The following SHTN1 variants were observed in gnomAD, a reference collection of about 807,000 sequenced individuals.
The protein encoded by SHTN1 is shootin-1.
A neutral mutation model predicts 83.1 loss-of-function variants in SHTN1; 42 were observed. The observed-to-expected ratio is 0.51, with a 90% CI of 0.39 to 0.65. The LOEUF is 0.65. Among genes scored for constraint, SHTN1 ranks in the 30% least tolerant of loss-of-function variants. SHTN1 has a pLI of 0.00. For synonymous variants in SHTN1, 224 were observed against 247.7 expected (o/e 0.90, Z 0.90); for missense variants, 622 against 737.8 (o/e 0.84, Z 1.82).
At chr10:117,047,971 G>T (rs1057381125) in intron 2 of SHTN1, among the ~76,000 whole-genome samples, 1 of 151,218 alleles carries the variant, frequency 6.6e-6, no homozygotes, top group African/African-American at 2.4e-5. Flanking sequence ...TGAAACCAAA[G>T]AGAGTTTCCT....
chr10:117,044,936 C>A (rs939210629), intron 2 of SHTN1, among the ~76,000 whole-genome samples: 1 of 152,110 alleles, frequency 6.6e-6, no homozygotes, highest in African/African-American at 2.4e-5. Context: ...TTTCTTAATA[C>A]TTTAACAGTT....
intron 2 of SHTN1, among the ~76,000 whole-genome samples, chr10:117,027,290 T>C (rs564359867): frequency 5.5e-4 from 83 of 152,186 alleles, no homozygotes; most frequent in African/African-American, 1.8e-3. Flanking sequence ...CAGTGAGTTC[T>C]CATGAGATCT....
intron 2 of SHTN1, among the ~76,000 whole-genome samples, chr10:117,028,200 G>A (rs1397725942): frequency 6.6e-6 from 1 of 152,148 alleles, no homozygotes; most frequent in East Asian, 1.9e-4. Context: ...GGTATATGGT[G>A]AAAGAAATTT....
chr10:117,125,925 T>C (rs1488909794), intron 1 of SHTN1, among the ~76,000 whole-genome samples: 1 of 152,142 alleles, frequency 6.6e-6, no homozygotes, highest in Non-Finnish European at 1.5e-5. Flanking sequence ...ATCTAACACA[T>C]GGCAGTCTTA....
At chr10:116,974,074 A>G in intron 2 of SHTN1, 1 of 1,072,296 alleles carries the variant, frequency 9.3e-7, no homozygotes, top group Non-Finnish European at 1.1e-6. Context: ...CTTCCAATTC[A>G]AAGTTCTTTC....
At chr10:117,076,743 A>G (rs1853161494) in intron 1 of SHTN1, among the ~76,000 whole-genome samples, 1 of 152,208 alleles carries the variant, frequency 6.6e-6, no homozygotes, top group African/African-American at 2.4e-5. Flanking sequence ...CCTGCAAAAC[A>G]TTAACTTTTA....
intron 6 of SHTN1, 48 bp downstream of exon 6, chr10:116,951,861 C>A: frequency 9.2e-7 from 1 of 1,089,134 alleles, no homozygotes; most frequent in Non-Finnish European, 1.4e-6. Flanking sequence ...AATCCCCAAA[C>A]ACCTTGAAAA....
At chr10:117,097,658 C>G (rs1286192278) in intron 1 of SHTN1, among the ~76,000 whole-genome samples, 7 of 152,162 alleles carry the variant, frequency 4.6e-5, no homozygotes, top group African/African-American at 1.7e-4. Flanking sequence ...AAAACTACAC[C>G]AAGTGCCAGA....
At chr10:117,060,775 A>G (rs759890015) in intron 1 of SHTN1, among the ~76,000 whole-genome samples, 8 of 152,204 alleles carry the variant, frequency 5.3e-5, no homozygotes, top group Non-Finnish European at 8.8e-5. Flanking sequence ...TTCATAGCCT[A>G]ATAGTTCATT....
intron 2 of SHTN1, among the ~76,000 whole-genome samples, chr10:117,011,999 G>T (rs535884555): frequency 6.6e-6 from 1 of 151,986 alleles, no homozygotes; most frequent in African/African-American, 2.4e-5. Flanking sequence ...AATTAGCCAG[G>T]CGTGGTGGCG....
chr10:117,018,124 AGT>A (rs1852207814), intron 2 of SHTN1, among the ~76,000 whole-genome samples: 1 of 152,212 alleles, frequency 6.6e-6, no homozygotes, highest in Non-Finnish European at 1.5e-5. Context: ...AAAGGGCATT[AGT>A]GAAAAAATGA....
At chr10:116,969,442 A>T (rs1850523040) in intron 2 of SHTN1, among the ~76,000 whole-genome samples, 1 of 152,178 alleles carries the variant, frequency 6.6e-6, no homozygotes, top group Non-Finnish European at 1.5e-5. Context: ...CTCTGACTCA[A>T]AAAAAAGACT....
upstream of SHTN1, among the ~76,000 whole-genome samples, chr10:117,009,189 C>T (rs1283387373): frequency 5.3e-5 from 8 of 151,890 alleles, 1 homozygote; most frequent in Non-Finnish European, 1.2e-4. Context: ...AAAATGATTA[C>T]CAAAAACATA....
At chr10:117,005,266 G>C, upstream of SHTN1, 1 of 1,442,948 alleles carries the variant, frequency 6.9e-7, no homozygotes. Context: ...CCTACTCGGC[G>C]GCTGCGGCCG....
intron 2 of SHTN1, among the ~76,000 whole-genome samples, chr10:116,971,259 T>C (rs545306626): frequency 1.3e-5 from 2 of 152,278 alleles, no homozygotes; most frequent in South Asian, 4.1e-4. Context: ...ACCTAACTTA[T>C]TTACCAAAGG....
rs540315515 is a variant in SHTN1 at position 117,070,428 on chromosome 10, A to G, written c.-188-21918T>C. ...CTATCTGCTTTTCTCTTTGTGTTCT[A>G]TGCTTTTTTTCCCCCTCACCTTCCT... On this transcript the variant is annotated intron_variant, in intron 1 of 17. Transcript: ENST00000392901. 2.6e-5 allele frequency among the ~76,000 whole-genome samples: 4 copies of G among 151,856 alleles called. 1 individual carries two copies. Among genetic ancestry groups the G allele is most frequent in the African/African-American group, 9.7e-5 (4 of 41,404 alleles).
chr10:116,929,780 G>C (rs528226189), intron 10 of SHTN1, 69 bp downstream of exon 10: 1 of 1,036,896 alleles, frequency 9.6e-7, no homozygotes, highest in Non-Finnish European at 1.4e-6. Flanking sequence ...CTATATGCCA[G>C]GTTTTGTACT....
intron 1 of SHTN1, among the ~76,000 whole-genome samples, chr10:117,049,256 G>C (rs371982277): frequency 6.6e-6 from 1 of 152,076 alleles, no homozygotes; most frequent in Non-Finnish European, 1.5e-5. Context: ...TAAGCAACTG[G>C]AATAGCCTGT....
intron 8 of SHTN1, among the ~76,000 whole-genome samples, chr10:116,941,784 T>A (rs1018151029): frequency 6.6e-6 from 1 of 152,190 alleles, no homozygotes; most frequent in Non-Finnish European, 1.5e-5. Flanking sequence ...TCTTGATCAG[T>A]ATCGACTTCC....
Sources: gnomAD v4.1 joint callset for allele counts (sites outside exome capture counted in the v4.1 genomes callset) on GRCh38, gnomAD v4.1.1 for gene constraint, MANE v1.5 for transcripts, NCBI Gene and HGNC (gene_info 2026-07-23, HGNC 2026-07-21) for gene names.